Variants in CDCA2 observed in about 807,000 individuals in gnomAD.
CDCA2 encodes the protein cell division cycle associated 2, also known as cell division cycle-associated protein 2.
A neutral mutation model predicts 67.0 loss-of-function variants in CDCA2; 44 were observed. The ratio of observed to expected loss-of-function variants is 0.66; its 90% confidence interval spans 0.52 to 0.84. The LOEUF (loss-of-function observed/expected upper bound fraction) is 0.84. Ranked by LOEUF, CDCA2 falls within the 40% of genes least tolerant of loss-of-function variation. The pLI, the probability that CDCA2 is intolerant of heterozygous loss-of-function variation, is 0.00. For missense variants in CDCA2, 1,253 were observed against 1,203.2 expected, an observed-to-expected ratio of 1.04 and a Z score of -0.61; for synonymous variants, 447 against 418.7, an observed-to-expected ratio of 1.07 and a Z score of -0.82.
intron 10 of CDCA2, 46 bp downstream of exon 10, chr8:25,484,256 C>T (rs1803680941): frequency 1.3e-6 from 2 of 1,596,608 alleles, no homozygotes; most frequent in Non-Finnish European, 1.7e-6. Context: ...GTATTTTCAT[C>T]AGGCTTCACC....
intron 9 of CDCA2, 151 bp downstream of exon 9, chr8:25,483,637 C>A (rs1475815952): frequency 3.3e-6 from 2 of 609,746 alleles, no homozygotes; most frequent in African/African-American, 3.8e-5. Context: ...GTTAGAATCT[C>A]CTTGGAGAGC....
At chr8:25,464,582 C>G (rs192049847) in intron 4 of CDCA2, among the ~76,000 whole-genome samples, 155 of 152,284 alleles carry the variant, frequency 1.0e-3, no homozygotes, top group African/African-American at 3.5e-3. Context: ...TGTTCTCCTT[C>G]TCCAGTAGAA....
At chr8:25,481,933 A>G (rs566370461) in intron 8 of CDCA2, among the ~76,000 whole-genome samples, 2 of 152,204 alleles carry the variant, frequency 1.3e-5, no homozygotes, top group Admixed American at 1.3e-4. Context: ...TTGGGGCAGG[A>G]CTATTTCTTA....
chr8:25,484,912 C>T (rs1215540781), intron 10 of CDCA2, among the ~76,000 whole-genome samples: 2 of 152,156 alleles, frequency 1.3e-5, no homozygotes, highest in African/African-American at 4.8e-5. Flanking sequence ...CAAAATCAGA[C>T]AGGCATTATA....
chr8:25,471,623 A>G (rs987779547), intron 7 of CDCA2, among the ~76,000 whole-genome samples: 4 of 152,046 alleles, frequency 2.6e-5, no homozygotes, highest in East Asian at 1.9e-4. Flanking sequence ...CAGCCTCCCA[A>G]AGTGCTGGGA....
rs35329913 is a variant in CDCA2, at chr8:25,463,046, A to AT, written c.387+847dup. Among the ~76,000 whole-genome samples the AT allele has an allele frequency of 1.4e-3, 219 of 151,526 alleles. 6 individuals are homozygous for AT. The South Asian group carries it at 0.035, about 25-fold the overall frequency. The stretch of plus-strand genomic sequence containing the variant: ...GAGGAGCTTTTTATTTTATTTCTCA[A>AT]TTTTTTTTTCTAGTTAAGATCTACT... On this transcript the variant is annotated intron_variant, in intron 4 of 14. Coordinates refer to ENST00000330560, the MANE Select transcript of CDCA2 (RefSeq NM_152562.4).
In CDCA2 at chr8:25,468,261, G is replaced by A. The variant is rs1387234825; in HGVS notation, c.583G>A (p.Ala195Thr). ...CGCTTGCCAGCAGTCTGGGTTCCCT[G>A]CAGTGTTGTCCTCCAAACGTCGGAG... ...LSACQQSGFP[A>T]VLSSKRRRIS... The change falls in exon 6 of 15, where the codon GCA becomes ACA. Residue 195 changes from alanine to threonine, a missense_variant. By Grantham distance (58) the Ala-to-Thr change is moderately conservative. Coordinates refer to ENST00000330560, the MANE Select transcript of CDCA2 (RefSeq NM_152562.4). The A allele has an allele frequency of 6.2e-7, 1 of 1,613,470 alleles. No homozygotes were observed. Among genetic ancestry groups the A allele is most frequent in the Non-Finnish European group, 8.5e-7 (1 of 1,179,772 alleles).
At chr8:25,487,487 A>C (rs1803825018) in intron 12 of CDCA2, among the ~76,000 whole-genome samples, 153 bp downstream of exon 12, 2 of 152,214 alleles carry the variant, frequency 1.3e-5, no homozygotes, top group South Asian at 4.1e-4. Context: ...CACGCCTGTA[A>C]TCCCAATGCT....
At chr8:25,494,462 A>G (rs1586518048) in intron 13 of CDCA2, among the ~76,000 whole-genome samples, 1 of 152,182 alleles carries the variant, frequency 6.6e-6, no homozygotes, top group East Asian at 1.9e-4. Flanking sequence ...ATTATGCTGT[A>G]TTTTTACAGT....
chr8:25,470,342 G>A (rs2117491157), intron 7 of CDCA2, among the ~76,000 whole-genome samples: 2 of 152,274 alleles, frequency 1.3e-5, no homozygotes, highest in African/African-American at 4.8e-5. Context: ...CTCAAAATCA[G>A]TATGCTTGTA....
chr8:25,463,585 G>A (rs1439085737), intron 4 of CDCA2, among the ~76,000 whole-genome samples: 1 of 151,928 alleles, frequency 6.6e-6, no homozygotes, highest in Admixed American at 6.6e-5. Context: ...TGAATTTAAA[G>A]TGTACTCCTT....
In CDCA2 at chr8:25,507,005, A is replaced by G. The variant is rs368375609; in HGVS notation, c.2339A>G (p.Asn780Ser). The change falls in exon 15 of 15, where the codon AAT becomes AGT. Residue 780 changes from asparagine to serine, a missense_variant. Coordinates refer to ENST00000330560, the MANE Select transcript of CDCA2 (RefSeq NM_152562.4). ...GCTGCAGAAGGAAAACTGCAATGCA[A>G]TCGTTTAATGCCTAATTCACAAAAA... The part of the protein sequence containing the change: ...LGAAEGKLQC[N>S]RLMPNSQKDC... 5.0e-5 allele frequency: 81 copies of G among 1,614,150 alleles called. No individual in the cohort carries two copies. The highest frequency in any genetic ancestry group is 3.3e-4 in the Middle Eastern group (2 of 6,062).
At position 25,469,894 on chromosome 8, in the gene CDCA2, A is replaced by C. The variant is rs1297521967; in HGVS notation, c.736-2A>C. The C allele has an allele frequency of 2.5e-6, 4 of 1,600,144 alleles. No homozygotes were observed. In the East Asian group the frequency reaches 6.7e-5, roughly 27 times the overall value. ...GTAATACTCTTTCAATTTTTCCCCAAGATATCATCTAAACTTGGTTCAACA... is the reference window on the plus strand; with the variant it reads ...GTAATACTCTTTCAATTTTTCCCCACGATATCATCTAAACTTGGTTCAACA... On this transcript the variant is annotated splice_acceptor_variant, in intron 6 of 14. Transcript: ENST00000330560. LOFTEE classifies it high-confidence loss of function.
At position 25,468,384 on chromosome 8, in the gene CDCA2, G is replaced by A; in HGVS notation, c.706G>A (p.Ala236Thr). 6.2e-7 allele frequency: 1 copy of A among 1,612,246 alleles called. No homozygotes were observed. Among genetic ancestry groups the A allele is most frequent in the South Asian group, 1.1e-5 (1 of 90,622 alleles). ...CAATATTGATACAGACAGAGCATGT[G>A]CAGTTGAAACTTCTGTAGATCTTTC... ...IFNIDTDRAC[A>T]VETSVDLSEI... Residue 236 changes from alanine (A) to threonine (T), a missense_variant, in exon 6 of 15, where the codon GCA (alanine) becomes ACA (threonine). Physicochemically the swap from Ala to Thr is moderately conservative, Grantham distance 58 (BLOSUM62 0). Transcript: ENST00000330560.
intron 11 of CDCA2, among the ~76,000 whole-genome samples, chr8:25,486,792 G>A (rs1170214324): frequency 1.3e-5 from 2 of 152,030 alleles, no homozygotes; most frequent in Non-Finnish European, 2.9e-5. Flanking sequence ...TCCAGCCTGG[G>A]TGACAGAGTG....
chr8:25,493,105 TATC>T (rs1261187316), intron 13 of CDCA2, among the ~76,000 whole-genome samples: 3 of 152,202 alleles, frequency 2.0e-5, no homozygotes, highest in Non-Finnish European at 4.4e-5. Context: ...TTGTGGTCAT[TATC>T]ATCATTATCA....
At chr8:25,479,644 C>A in intron 7 of CDCA2, 1 of 470,350 alleles carries the variant, frequency 2.1e-6, no homozygotes, top group Non-Finnish European at 3.9e-6. Context: ...CTTCTTTCAA[C>A]CTCTGACTCA....
In CDCA2 at chr8:25,482,088, C is replaced by T. The variant is rs533528854; in HGVS notation, c.1033-1311C>T. Among the ~76,000 whole-genome samples, 9 of 152,302 alleles carry T rather than the reference C, an allele frequency of 5.9e-5. No individual in the cohort carries two copies. In the South Asian group the frequency reaches 1.9e-3, roughly 32 times the overall value. On this transcript the variant is annotated intron_variant, in intron 8 of 14. Transcript: ENST00000330560. Reference sequence around the variant, plus strand: ...TGATCCAGTCTGCAGCCCTGGCTGTCTCCTGCTGAGCTCCAGGGGCCCTGT... The same window carrying T: ...TGATCCAGTCTGCAGCCCTGGCTGTTTCCTGCTGAGCTCCAGGGGCCCTGT...
At position 25,503,438 on chromosome 8, in the gene CDCA2, G is replaced by T; in HGVS notation, c.1737G>T (p.Gly579=). ...GKKSVQKSLY[G]ERDIASKKPL... The stretch of plus-strand genomic sequence containing the variant: ...AAAGTGTTCAGAAATCTTTATATGG[G>T]GAAAGAGACATTGCTTCTAAGAAGC... Residue 579 remains glycine, a synonymous_variant, in exon 14 of 15, where the codon GGG becomes GGT. Transcript: ENST00000330560. 1 of 1,613,996 alleles carries T rather than the reference G, an allele frequency of 6.2e-7. No homozygotes were observed. Among genetic ancestry groups the T allele is most frequent in the Non-Finnish European group, 8.5e-7 (1 of 1,179,900 alleles).
Sources: allele counts gnomAD v4.1 joint callset (sites outside exome capture counted in the v4.1 genomes callset), GRCh38; gene constraint gnomAD v4.1.1; transcripts MANE v1.5; gene names NCBI Gene and HGNC (gene_info 2026-07-23, HGNC 2026-07-21).